Variants in CAMTA1 observed in about 807,000 individuals in gnomAD.
The protein encoded by CAMTA1 is calmodulin binding transcription activator 1, also known as calmodulin-binding transcription activator 1.
Under a neutral mutation model 170.9 loss-of-function variants are expected in CAMTA1, and 27 were observed. That is an observed-to-expected ratio of 0.16 (90% CI 0.12 to 0.22). The LOEUF (loss-of-function observed/expected upper bound fraction) is 0.22, where lower values mean the gene tolerates loss of function less well. Among genes scored for constraint, CAMTA1 ranks in the 10% least tolerant of loss-of-function variants. The pLI, the probability that CAMTA1 is intolerant of heterozygous loss-of-function variation, is 1.00. For missense variants in CAMTA1, 1,619 were observed against 2,217.2 expected (o/e 0.73, Z 5.42); for synonymous variants, 833 against 891.5 (o/e 0.93, Z 1.17).
At chr1:6,817,387 T>C (rs1054755814) in intron 1 of CAMTA1, among the ~76,000 whole-genome samples, 2 of 152,198 alleles carry the variant, frequency 1.3e-5, no homozygotes, top group African/African-American at 2.4e-5. Context: ...GGTATTACAT[T>C]CATGTGATTA....
chr1:7,650,138 G>T (rs2095839120), intron 7 of CAMTA1, among the ~76,000 whole-genome samples: 1 of 152,194 alleles, frequency 6.6e-6, no homozygotes, highest in Non-Finnish European at 1.5e-5. Context: ...CTCTTTCCAA[G>T]TGGCCTGGAG....
At chr1:6,910,439 C>G (rs1389849565) in intron 3 of CAMTA1, among the ~76,000 whole-genome samples, 1 of 152,216 alleles carries the variant, frequency 6.6e-6, no homozygotes, top group Non-Finnish European at 1.5e-5. Flanking sequence ...TGGAACGTAA[C>G]TTTGCAGGGT....
intron 12 of CAMTA1, among the ~76,000 whole-genome samples, chr1:7,733,848 C>T (rs1055823358): frequency 6.6e-6 from 1 of 152,182 alleles, no homozygotes; most frequent in Non-Finnish European, 1.5e-5. Flanking sequence ...AAAGGCTAGC[C>T]TCCTTCCTCC....
intron 4 of CAMTA1, among the ~76,000 whole-genome samples, chr1:7,149,843 G>A (rs1008975281): frequency 4.6e-5 from 7 of 152,242 alleles, no homozygotes; most frequent in Non-Finnish European, 8.8e-5. Flanking sequence ...GAAGACAAAT[G>A]TGTGCCTGTG....
At chr1:6,902,081 A>AAT (rs1677178203) in intron 3 of CAMTA1, among the ~76,000 whole-genome samples, 1 of 149,760 alleles carries the variant, frequency 6.7e-6, no homozygotes, top group African/African-American at 2.5e-5. Flanking sequence ...ACAAAAAAAA[A>AAT]AATAAAAATA....
At chr1:6,868,845 C>G (rs1028171701) in intron 3 of CAMTA1, among the ~76,000 whole-genome samples, 2 of 152,184 alleles carry the variant, frequency 1.3e-5, no homozygotes, top group African/African-American at 4.8e-5. Context: ...CTCCATGTAA[C>G]TCACAGATAG....
At chr1:7,691,794 C>A (rs185911186) in intron 11 of CAMTA1, among the ~76,000 whole-genome samples, 167 of 152,286 alleles carry the variant, frequency 1.1e-3, no homozygotes, top group Admixed American at 3.8e-3. Context: ...GTGGAGGTGG[C>A]ACTGAATAAA....
intron 1 of CAMTA1, among the ~76,000 whole-genome samples, chr1:6,809,105 C>T (rs1327656970): frequency 6.6e-6 from 1 of 151,498 alleles, no homozygotes; most frequent in Non-Finnish European, 1.5e-5. Flanking sequence ...CAGCTCACTG[C>T]AACATCCACC....
chr1:7,350,993 G>A lies in CAMTA1; in HGVS notation c.438+101367G>A, dbSNP rs562162869. Among the ~76,000 whole-genome samples the A allele has an allele frequency of 2.1e-4, 32 of 152,350 alleles. 1 individual carries two copies. The highest frequency in any genetic ancestry group is 2.0e-3 in the Admixed American group (30 of 15,308). ...AGGGCACTTCTCTGCCCCAGCAGCT[G>A]CCCATGGGTCCTCTAGGCCCATCAC... is the stretch of plus-strand genomic sequence containing the variant. On this transcript the variant is annotated intron_variant, in intron 5 of 22. Transcript: ENST00000303635.
chr1:7,204,181 T>C (rs1387741830), intron 4 of CAMTA1, among the ~76,000 whole-genome samples: 1 of 152,104 alleles, frequency 6.6e-6, no homozygotes, highest in Non-Finnish European at 1.5e-5. Flanking sequence ...ACTTCCACTG[T>C]AATATTTATT....
At chr1:7,470,895 A>G (rs6677160) in intron 6 of CAMTA1, among the ~76,000 whole-genome samples, 1,634 of 152,146 alleles carry the variant, frequency 0.011, 33 homozygotes, top group African/African-American at 0.038. Flanking sequence ...TTCCTCTCCA[A>G]CTAGTCAGCT....
intron 3 of CAMTA1, among the ~76,000 whole-genome samples, chr1:7,053,522 G>A (rs1386546109): frequency 6.6e-6 from 1 of 152,182 alleles, no homozygotes; most frequent in African/African-American, 2.4e-5. Context: ...TTTGCTCAAA[G>A]CCTTTCAGGG....
intron 5 of CAMTA1, among the ~76,000 whole-genome samples, chr1:7,438,436 G>T (rs896233176): frequency 6.6e-6 from 1 of 152,168 alleles, no homozygotes; most frequent in Non-Finnish European, 1.5e-5. Context: ...AGCTGGTCTC[G>T]GTCACTCGGG....
rs995334412 is a variant in CAMTA1 at position 7,144,495 on chromosome 1, C to T, written c.302+53124C>T. Among the ~76,000 whole-genome samples, 4 of 152,102 alleles carry T rather than the reference C, an allele frequency of 2.6e-5. No homozygotes were observed. The highest frequency in any genetic ancestry group is 9.7e-5 in the African/African-American group (4 of 41,418). ...AATTTTGGGGGACACAATTCAACCCCTCATGCTATCAGGACCGATATATAT... is the reference window on the plus strand; with the variant it reads ...AATTTTGGGGGACACAATTCAACCCTTCATGCTATCAGGACCGATATATAT... On this transcript the variant is annotated intron_variant, in intron 4 of 22. Coordinates refer to ENST00000303635, the MANE Select transcript of CAMTA1 (RefSeq NM_015215.4). The surrounding 1 kb of genome is among the most constrained non-coding windows in gnomAD (Gnocchi z 4.0).
chr1:6,906,737 C>T (rs1222027806), intron 3 of CAMTA1, among the ~76,000 whole-genome samples: 2 of 152,168 alleles, frequency 1.3e-5, no homozygotes, highest in Non-Finnish European at 2.9e-5. Context: ...TTTAAGTTTC[C>T]CTCCCCCTCA....
chr1:7,674,639 C>T lies in CAMTA1; in HGVS notation c.2780-2960C>T, dbSNP rs1447452509. Among the ~76,000 whole-genome samples, 3 of 151,964 alleles carry T rather than the reference C, an allele frequency of 2.0e-5. No homozygotes were observed. Among genetic ancestry groups the T allele is most frequent in the South Asian group, 2.1e-4 (1 of 4,804 alleles). ...ACTAAAAATACAAAAATTAGCTGGG[C>T]GTGGTGGCAGGCACCTGTAAGCTAG... On this transcript the variant is annotated intron_variant, in intron 10 of 22. Coordinates refer to ENST00000303635, the MANE Select transcript of CAMTA1 (RefSeq NM_015215.4). This position sits in a 1 kb window ranked among gnomAD's most constrained non-coding sequence, Gnocchi z 4.1.
intron 4 of CAMTA1, among the ~76,000 whole-genome samples, chr1:7,124,012 C>G (rs1283426502): frequency 6.6e-6 from 1 of 152,172 alleles, no homozygotes; most frequent in South Asian, 2.1e-4. Context: ...TGCAGGAATG[C>G]GTCTTGGCCA....
chr1:7,613,119 G>T (rs778379767), intron 6 of CAMTA1, among the ~76,000 whole-genome samples: 4 of 152,330 alleles, frequency 2.6e-5, no homozygotes, highest in Non-Finnish European at 2.9e-5. Context: ...CCCAAGGATT[G>T]CAGGGACCAG....
At chr1:7,513,795 G>A (rs2094237928) in intron 6 of CAMTA1, among the ~76,000 whole-genome samples, 2 of 152,200 alleles carry the variant, frequency 1.3e-5, no homozygotes, top group Non-Finnish European at 2.9e-5. Flanking sequence ...GGTGGCGCAT[G>A]CCTGTAATTC....
Sources: gnomAD v4.1 joint callset for allele counts (sites outside exome capture counted in the v4.1 genomes callset) on GRCh38, gnomAD v4.1.1 for gene constraint, Gnocchi (gnomAD v3.1) non-coding constraint, MANE v1.5 for transcripts, NCBI Gene and HGNC (gene_info 2026-07-23, HGNC 2026-07-21) for gene names.